BICD1: variants seen among roughly 807,000 people sequenced by gnomAD.
BICD1 encodes the protein BICD cargo adaptor 1.
A neutral mutation model predicts 92.5 loss-of-function variants in BICD1; 35 were observed. The observed-to-expected ratio is 0.38, with a 90% CI of 0.29 to 0.50. The LOEUF is 0.50. BICD1 is among the 20% of genes least tolerant of loss of function. The probability of loss-of-function intolerance (pLI) is 0.93; values close to 1 mark genes in which losing one functional copy is unlikely to be tolerated. For synonymous variants in BICD1, 429 were observed against 465.1 expected (o/e 0.92, Z 1.00); for missense variants, 950 against 1,189.8 (o/e 0.80, Z 2.97).
chr12:32,354,537 G>A (rs1939025808), intron 8 of BICD1, among the ~76,000 whole-genome samples: 2 of 152,186 alleles, frequency 1.3e-5, no homozygotes, highest in South Asian at 4.1e-4. Context: ...GTTAAAGACT[G>A]ATGTAAATAT....
At chr12:32,322,013 A>C (rs1434248689) in intron 4 of BICD1, among the ~76,000 whole-genome samples, 1 of 152,112 alleles carries the variant, frequency 6.6e-6, no homozygotes, top group African/African-American at 2.4e-5. Flanking sequence ...AAATAAAATA[A>C]ATAAATAAAT....
Position 32,383,215 on chromosome 12 carries a change from G to A in BICD1, c.*5588G>A, listed in dbSNP as rs1043974182. The A allele has an allele frequency of 6.6e-6, 1 of 152,028 alleles. No individual in the cohort carries two copies. Among genetic ancestry groups the A allele is most frequent in the Non-Finnish European group, 1.5e-5 (1 of 67,952 alleles). 9.4% of individuals were successfully genotyped at this position (152,028 alleles called of 1,614,324 possible). On this transcript the variant is annotated 3_prime_UTR_variant, in exon 10 of 10. Coordinates refer to ENST00000652176, the MANE Select transcript of BICD1 (RefSeq NM_001714.4). ...CAGTTTAATTATTATGCCTTTTGGGGTTAAATGATGTGAAGTGTTTCCACC... is the reference window on the plus strand; with the variant it reads ...CAGTTTAATTATTATGCCTTTTGGGATTAAATGATGTGAAGTGTTTCCACC...
At chr12:32,305,642 T>G (rs1592644793) in intron 3 of BICD1, 55 bp from the exon 4 acceptor site, 10 of 1,508,434 alleles carry the variant, frequency 6.6e-6, no homozygotes, top group Non-Finnish European at 8.9e-7. Context: ...TTAATGGCAG[T>G]TTTGTAAGAT....
At chr12:32,368,471 G>A (rs1206931594) in intron 9 of BICD1, among the ~76,000 whole-genome samples, 1 of 152,192 alleles carries the variant, frequency 6.6e-6, no homozygotes, top group East Asian at 1.9e-4. Flanking sequence ...GAGGCAGAGG[G>A]ATTACCTGAG....
chr12:32,265,127 T>C (rs1592580741), intron 2 of BICD1, among the ~76,000 whole-genome samples: 1 of 151,878 alleles, frequency 6.6e-6, no homozygotes, highest in African/African-American at 2.4e-5. Flanking sequence ...TTCTTGCACT[T>C]GCAGTTTATA....
chr12:32,374,566 TTC>T (rs1939857564), intron 9 of BICD1, among the ~76,000 whole-genome samples: 4 of 117,632 alleles, frequency 3.4e-5, no homozygotes, highest in Non-Finnish European at 7.1e-5. Flanking sequence ...CTTTTCTTTC[TTC>T]TTTTTTTTTT....
chr12:32,190,838 TA>T (rs1308542075), intron 1 of BICD1, among the ~76,000 whole-genome samples: 2 of 152,324 alleles, frequency 1.3e-5, no homozygotes, highest in East Asian at 3.9e-4. Context: ...GGCTAGATTA[TA>T]TGTTGGGCCA....
intron 2 of BICD1, among the ~76,000 whole-genome samples, chr12:32,285,755 TC>T (rs1947546322): frequency 6.6e-6 from 1 of 152,190 alleles, no homozygotes; most frequent in Non-Finnish European, 1.5e-5. Context: ...GCCATTTTCT[TC>T]CCTTTCTCTC....
At chr12:32,292,574 T>G (rs1011691714) in intron 2 of BICD1, among the ~76,000 whole-genome samples, 10 of 152,214 alleles carry the variant, frequency 6.6e-5, no homozygotes, top group Non-Finnish European at 1.3e-4. Context: ...AGTCAATATA[T>G]TAGTGAGATT....
In BICD1 at chr12:32,252,129, T is replaced by G. The variant is rs1159362832; in HGVS notation, c.426+35670T>G. 4.6e-5 allele frequency among the ~76,000 whole-genome samples: 6 copies of G among 129,494 alleles called. 2 individuals are homozygous for G. The South Asian group carries it at 1.3e-3, about 28-fold the overall frequency. 85.0% of individuals were successfully genotyped at this position (129,494 alleles called of 152,430 possible). ...AATATTATATATTATATATTTATAATAAATATTATATATTATATATTACAT... is the reference window on the plus strand; with the variant it reads ...AATATTATATATTATATATTTATAAGAAATATTATATATTATATATTACAT... On this transcript the variant is annotated intron_variant, in intron 2 of 9. Coordinates refer to ENST00000652176, the MANE Select transcript of BICD1 (RefSeq NM_001714.4).
intron 1 of BICD1, among the ~76,000 whole-genome samples, chr12:32,196,414 A>G (rs1273847584): frequency 6.6e-6 from 1 of 152,236 alleles, no homozygotes; most frequent in East Asian, 1.9e-4. Context: ...GAATAAAGAA[A>G]ATGTGGTGTG....
At chr12:32,246,115 C>T (rs326640) in intron 2 of BICD1, among the ~76,000 whole-genome samples, 42,231 of 145,310 alleles carry the variant, frequency 0.29, 7,275 homozygotes, top group Middle Eastern at 0.41. Context: ...TAAAGATTTG[C>T]GTATTGGGTT....
At chr12:32,182,358 C>A (rs1216026758) in intron 1 of BICD1, among the ~76,000 whole-genome samples, 1 of 139,460 alleles carries the variant, frequency 7.2e-6, no homozygotes, top group Non-Finnish European at 1.5e-5. Context: ...TCTCAGCTCA[C>A]TGCAACCTCC....
rs190539273 is a variant in BICD1 at position 32,207,601 on chromosome 12, T to A, written c.214-8646T>A. Among the ~76,000 whole-genome samples, 317 of 152,278 alleles carry A rather than the reference T, an allele frequency of 2.1e-3. 2 individuals are homozygous for A. The highest frequency in any genetic ancestry group is 7.0e-3 in the African/African-American group (292 of 41,560). ...TGGTTTTCAGAATACAAAATGAGAA[T>A]CAAAAATTGGTAATTAGATATTCTG... On this transcript the variant is annotated intron_variant, in intron 1 of 9. Coordinates refer to ENST00000652176, the MANE Select transcript of BICD1 (RefSeq NM_001714.4).
intron 8 of BICD1, among the ~76,000 whole-genome samples, chr12:32,347,651 AG>A (rs76421004): frequency 0.037 from 5,609 of 150,058 alleles, 296 homozygotes; most frequent in East Asian, 0.29. Flanking sequence ...TTAAAAAAAA[AG>A]AAAAAGTTTG....
chr12:32,118,060 A>ATATTTTATTTTATTTTCTTT (rs1942004599), intron 1 of BICD1, among the ~76,000 whole-genome samples: 1 of 135,142 alleles, frequency 7.4e-6, no homozygotes, highest in Non-Finnish European at 1.6e-5. Flanking sequence ...GCTTAGTCCA[A>ATATTTTATTTTATTTTCTTT]TATTTTATTT....
At chr12:32,375,144 C>G (rs964368716) in intron 9 of BICD1, among the ~76,000 whole-genome samples, 2 of 150,796 alleles carry the variant, frequency 1.3e-5, no homozygotes, top group African/African-American at 4.9e-5. Flanking sequence ...CCAGGATGGT[C>G]TCTATCTCCT....
Position 32,313,912 on chromosome 12 carries a change from A to C in BICD1, c.1005+7790A>C, listed in dbSNP as rs149987011. 0.014 allele frequency among the ~76,000 whole-genome samples: 2,098 copies of C among 152,188 alleles called. 49 individuals are homozygous for C. Among genetic ancestry groups the C allele is most frequent in the African/African-American group, 0.048 (2,005 of 41,486 alleles). ...GGGAGGATTGCTTGAGTCTGGGAGGAGGTCAAGGCTGCAGTGAGCCATGAC... is the reference window on the plus strand; with the variant it reads ...GGGAGGATTGCTTGAGTCTGGGAGGCGGTCAAGGCTGCAGTGAGCCATGAC... On this transcript the variant is annotated intron_variant, in intron 4 of 9. Transcript: ENST00000652176. The surrounding 1 kb of genome is among the most constrained non-coding windows in gnomAD (Gnocchi z 4.2).
intron 1 of BICD1, among the ~76,000 whole-genome samples, chr12:32,126,234 G>T (rs1942331047): frequency 1.3e-5 from 2 of 152,036 alleles, no homozygotes; most frequent in Non-Finnish European, 2.9e-5. Context: ...ATTGTGGGGG[G>T]AACTGGATGT....
Sources: allele counts gnomAD v4.1 joint callset (sites outside exome capture counted in the v4.1 genomes callset), GRCh38; gene constraint gnomAD v4.1.1; non-coding constraint Gnocchi (gnomAD v3.1); transcripts MANE v1.5; gene names NCBI Gene and HGNC (gene_info 2026-07-23, HGNC 2026-07-21).